ADGRL2: variants seen among roughly 807,000 people sequenced by gnomAD.
The protein encoded by ADGRL2 is calcium-independent alpha-latrotoxin receptor 2.
Under a neutral mutation model 157.4 loss-of-function variants are expected in ADGRL2, and 44 were observed. The observed-to-expected ratio is 0.28, with a 90% CI of 0.22 to 0.36. The LOEUF is 0.36. ADGRL2 is among the 10% of genes least tolerant of loss of function. The probability of loss-of-function intolerance (pLI) is 1.00; values close to 1 mark genes in which losing one functional copy is unlikely to be tolerated. For missense variants in ADGRL2, 1,510 were observed against 1,768.9 expected (o/e 0.85, Z 2.63); for synonymous variants, 585 against 624.7 (o/e 0.94, Z 0.95).
chr1:81,629,761 G>GTA (rs1452723481), intron 3 of ADGRL2, among the ~76,000 whole-genome samples: 1 of 151,300 alleles, frequency 6.6e-6, no homozygotes, highest in African/African-American at 2.4e-5. Context: ...GTATATATAT[G>GTA]TATATATATA....
chr1:81,428,765 GCCCGAGA>G (rs1279546155), intron 1 of ADGRL2, among the ~76,000 whole-genome samples: 1 of 152,002 alleles, frequency 6.6e-6, no homozygotes, highest in Non-Finnish European at 1.5e-5. Context: ...TAAGGAGGTG[GCCCGAGA>G]CAACTACATT....
intron 1 of ADGRL2, among the ~76,000 whole-genome samples, chr1:81,815,819 C>G (rs539878132): frequency 6.6e-6 from 1 of 151,842 alleles, no homozygotes; most frequent in East Asian, 1.9e-4. Flanking sequence ...GGAAACCTGT[C>G]ATTGGTTTCT....
intron 2 of ADGRL2, among the ~76,000 whole-genome samples, chr1:81,860,089 T>C (rs2093342737): frequency 6.6e-6 from 1 of 152,022 alleles, no homozygotes; most frequent in Non-Finnish European, 1.5e-5. Context: ...CTGGGCGTAA[T>C]GGCAGGTGCT....
chr1:81,325,445 G>T (rs559900565), intron 1 of ADGRL2, among the ~76,000 whole-genome samples: 20 of 152,158 alleles, frequency 1.3e-4, no homozygotes, highest in African/African-American at 1.7e-4. Flanking sequence ...AGATTCTCTC[G>T]TAGGTCACTG....
chr1:81,846,044 C>T (rs2092774583), intron 2 of ADGRL2, among the ~76,000 whole-genome samples: 1 of 151,680 alleles, frequency 6.6e-6, no homozygotes, highest in Non-Finnish European at 1.5e-5. Context: ...CAGGAATTAA[C>T]GTTTTTATAA....
intron 2 of ADGRL2, among the ~76,000 whole-genome samples, chr1:81,792,467 C>T (rs1165022404): frequency 6.6e-6 from 1 of 151,878 alleles, no homozygotes; most frequent in East Asian, 1.9e-4. Flanking sequence ...TATACATGTG[C>T]ATATATATAT....
At chr1:81,844,303 C>G (rs2092705670) in intron 2 of ADGRL2, among the ~76,000 whole-genome samples, 4 of 152,182 alleles carry the variant, frequency 2.6e-5, no homozygotes, top group Admixed American at 2.6e-4. Flanking sequence ...ATTTAAAGCA[C>G]CTTAATTTTG....
chr1:81,904,207 G>GATAT (rs138543115), intron 2 of ADGRL2, among the ~76,000 whole-genome samples: 1 of 151,360 alleles, frequency 6.6e-6, no homozygotes, highest in African/African-American at 2.4e-5. Flanking sequence ...TAGCAGGGTA[G>GATAT]ATATATATAT....
At chr1:81,826,589 G>A (rs2091501588) in intron 1 of ADGRL2, among the ~76,000 whole-genome samples, 1 of 152,212 alleles carries the variant, frequency 6.6e-6, no homozygotes, top group Non-Finnish European at 1.5e-5. Flanking sequence ...AGAAGTATGT[G>A]TGTATGGTTG....
In ADGRL2 at chr1:81,984,726, G is replaced by C; in HGVS notation, c.3411+15G>C. On this transcript the variant is annotated intron_variant, in intron 20 of 23. Coordinates refer to ENST00000686636, the MANE Select transcript of ADGRL2 (RefSeq NM_001366006.2). ...CTGGCACACAGGTAACAAAGAGTTT[G>C]ACAGCATCTTTAATTAACCTTATTT... is the stretch of plus-strand genomic sequence containing the variant. 6.2e-7 allele frequency: 1 copy of C among 1,611,546 alleles called. No homozygotes were observed. The highest frequency in any genetic ancestry group is 8.5e-7 in the Non-Finnish European group (1 of 1,178,376).
chr1:81,828,153 C>T (rs573003182), intron 1 of ADGRL2, among the ~76,000 whole-genome samples: 21 of 152,142 alleles, frequency 1.4e-4, no homozygotes, highest in Admixed American at 3.9e-4. Context: ...AATGTCATTT[C>T]GGTATGCATT....
chr1:81,528,412 C>T (rs974461906), intron 2 of ADGRL2, among the ~76,000 whole-genome samples: 22 of 151,790 alleles, frequency 1.4e-4, no homozygotes, highest in African/African-American at 4.6e-4. Context: ...TTTGGGAGGC[C>T]GAGGCGAGTG....
chr1:81,352,081 G>A (rs1303199783), intron 1 of ADGRL2, among the ~76,000 whole-genome samples: 1 of 152,238 alleles, frequency 6.6e-6, no homozygotes, highest in Non-Finnish European at 1.5e-5. Context: ...AGACAAAGGA[G>A]TCACCGCAAA....
At chr1:81,770,866 G>A (rs184880903) in intron 2 of ADGRL2, among the ~76,000 whole-genome samples, 1,547 of 152,172 alleles carry the variant, frequency 0.01, 31 homozygotes, top group African/African-American at 0.036. Flanking sequence ...AATTATATAT[G>A]TGTAGTTATT....
chr1:81,376,205 G>A (rs1203411655), intron 1 of ADGRL2, among the ~76,000 whole-genome samples: 1 of 152,154 alleles, frequency 6.6e-6, no homozygotes, highest in Non-Finnish European at 1.5e-5. Context: ...TCCAAAGCTG[G>A]ACATACTAGT....
At chr1:81,590,964 T>G (rs1279781203) in intron 3 of ADGRL2, among the ~76,000 whole-genome samples, 1 of 152,178 alleles carries the variant, frequency 6.6e-6, no homozygotes, top group African/African-American at 2.4e-5. Flanking sequence ...CTCCCAGGCA[T>G]ACTCTTTGAG....
At chr1:81,590,639 G>A (rs534565854) in intron 3 of ADGRL2, among the ~76,000 whole-genome samples, 1 of 152,182 alleles carries the variant, frequency 6.6e-6, no homozygotes, top group South Asian at 2.1e-4. Context: ...TTAATAAACA[G>A]CATGTCCTCC....
intron 17 of ADGRL2, among the ~76,000 whole-genome samples, chr1:81,977,364 T>A (rs996557293): frequency 2.0e-5 from 3 of 151,854 alleles, no homozygotes; most frequent in Non-Finnish European, 4.4e-5. Context: ...AGTCTGTTTT[T>A]AAAGGATTAA....
chr1:81,703,648 G>T (rs2083643279), intron 1 of ADGRL2, among the ~76,000 whole-genome samples: 1 of 152,064 alleles, frequency 6.6e-6, no homozygotes, highest in Admixed American at 6.6e-5. Context: ...AGAAAAGGAA[G>T]AGCAAAATAA....
Sources: gnomAD v4.1 joint callset for allele counts (sites outside exome capture counted in the v4.1 genomes callset) on GRCh38, gnomAD v4.1.1 for gene constraint, MANE v1.5 for transcripts, NCBI Gene and HGNC (gene_info 2026-07-23, HGNC 2026-07-21) for gene names.